Variants in MAGI1 observed in about 807,000 individuals in gnomAD.
The protein encoded by MAGI1 is membrane associated guanylate kinase, WW and PDZ domain containing 1.
MAGI1 carries 58 observed loss-of-function variants against 139.9 expected under a neutral mutation model. The observed-to-expected ratio is 0.41, with a 90% CI of 0.34 to 0.52. MAGI1 has a LOEUF of 0.52. Ranked by LOEUF, MAGI1 falls within the 20% of genes least tolerant of loss-of-function variation. The probability of loss-of-function intolerance (pLI) is 0.12; values close to 1 mark genes in which losing one functional copy is unlikely to be tolerated. For synonymous variants in MAGI1, 812 were observed against 737.9 expected, an observed-to-expected ratio of 1.10 and a Z score of -1.63; for missense variants, 1,874 against 1,901.6, an observed-to-expected ratio of 0.99 and a Z score of 0.27.
chr3:65,510,198 T>C (rs61590660), intron 2 of MAGI1, among the ~76,000 whole-genome samples: 17,141 of 152,022 alleles, frequency 0.11, 1,220 homozygotes, highest in Middle Eastern at 0.15. Context: ...ACCACAAAGA[T>C]GGGGAAAAAA....
chr3:65,773,569 G>A (rs1472767632), intron 1 of MAGI1, among the ~76,000 whole-genome samples: 1 of 152,010 alleles, frequency 6.6e-6, no homozygotes, highest in Non-Finnish European at 1.5e-5. Context: ...TGGGATCACT[G>A]GTAGGTAAAC....
chr3:65,725,862 A>G (rs538827327), intron 1 of MAGI1, among the ~76,000 whole-genome samples: 2 of 152,326 alleles, frequency 1.3e-5, no homozygotes, highest in African/African-American at 2.4e-5. Context: ...AAGTCTATGC[A>G]TAACAGGAAA....
intron 1 of MAGI1, chr3:65,954,465 T>C (rs2106996719): frequency 6.5e-6 from 1 of 152,672 alleles, no homozygotes; most frequent in South Asian, 2.1e-4. Context: ...GGCACTGACA[T>C]AGAAAATGTC....
At chr3:65,579,097 T>C (rs1464425011) in intron 2 of MAGI1, among the ~76,000 whole-genome samples, 1 of 152,052 alleles carries the variant, frequency 6.6e-6, no homozygotes, top group East Asian at 1.9e-4. Flanking sequence ...ATAATTACAT[T>C]CATACACATA....
chr3:65,567,118 G>A (rs1354864637), intron 2 of MAGI1, among the ~76,000 whole-genome samples: 1 of 152,102 alleles, frequency 6.6e-6, no homozygotes, highest in Non-Finnish European at 1.5e-5. Flanking sequence ...GGACCTCTGA[G>A]ATGTCAGAAG....
At chr3:65,746,104 C>T (rs1413567637) in intron 1 of MAGI1, among the ~76,000 whole-genome samples, 2 of 152,082 alleles carry the variant, frequency 1.3e-5, no homozygotes, top group Non-Finnish European at 1.5e-5. Context: ...GGCACAATCT[C>T]AGCTCACTGC....
chr3:65,384,780 GGTGT>G (rs3072935), intron 14 of MAGI1, among the ~76,000 whole-genome samples: 23,589 of 147,856 alleles, frequency 0.16, 2,399 homozygotes, highest in East Asian at 0.48. Context: ...TATAGGAAGG[GGTGT>G]GTGTGTGTGT....
intron 2 of MAGI1, among the ~76,000 whole-genome samples, chr3:65,566,328 A>G (rs1011531006): frequency 2.0e-5 from 3 of 152,164 alleles, no homozygotes; most frequent in Middle Eastern, 3.2e-3. Context: ...TTATCTACAT[A>G]TATTATCTAT....
chr3:65,736,697 T>A (rs1160431583), intron 1 of MAGI1, among the ~76,000 whole-genome samples: 3 of 152,174 alleles, frequency 2.0e-5, no homozygotes, highest in Non-Finnish European at 4.4e-5. Context: ...TCGCCCTTCC[T>A]CCATATTTGT....
At chr3:65,652,636 C>T (rs1033458284) in intron 1 of MAGI1, among the ~76,000 whole-genome samples, 3 of 152,168 alleles carry the variant, frequency 2.0e-5, no homozygotes, top group African/African-American at 7.2e-5. Context: ...CTCAACTCTC[C>T]TTTAGCCCTC....
At chr3:65,992,754 G>A (rs970236548) in intron 1 of MAGI1, among the ~76,000 whole-genome samples, 5 of 152,150 alleles carry the variant, frequency 3.3e-5, no homozygotes, top group African/African-American at 1.2e-4. Flanking sequence ...GACAACAAGG[G>A]AACAAGGGGC....
chr3:65,375,711 A>G (rs754819628), intron 18 of MAGI1, 34 bp downstream of exon 18: 2 of 1,445,998 alleles, frequency 1.4e-6, no homozygotes. Flanking sequence ...AGAGAAAAAG[A>G]GAGAGAGAGA....
intron 1 of MAGI1, among the ~76,000 whole-genome samples, chr3:65,703,388 G>T (rs2089751122): frequency 6.8e-6 from 1 of 147,680 alleles, no homozygotes; most frequent in African/African-American, 2.5e-5. Flanking sequence ...TTAGAATAAA[G>T]ACCCAATAAA....
intron 12 of MAGI1, among the ~76,000 whole-genome samples, chr3:65,413,245 T>C (rs868418385): frequency 1.3e-5 from 2 of 152,204 alleles, no homozygotes; most frequent in African/African-American, 4.8e-5. Flanking sequence ...TTTGGCAATT[T>C]CAATTAGCTT....
At chr3:65,903,050 G>A (rs112479544) in intron 1 of MAGI1, among the ~76,000 whole-genome samples, 89 of 152,112 alleles carry the variant, frequency 5.9e-4, no homozygotes, top group Middle Eastern at 3.4e-3. Context: ...GTACACTGGC[G>A]CAATCTCGGC....
At chr3:65,378,361 C>A (rs1326889931) in intron 17 of MAGI1, among the ~76,000 whole-genome samples, 1 of 152,020 alleles carries the variant, frequency 6.6e-6, no homozygotes, top group Non-Finnish European at 1.5e-5. Flanking sequence ...TTTAACCAGA[C>A]TTTAAATCAA....
At chr3:65,799,233 T>C (rs1160732196) in intron 1 of MAGI1, among the ~76,000 whole-genome samples, 1 of 152,192 alleles carries the variant, frequency 6.6e-6, no homozygotes, top group African/African-American at 2.4e-5. Context: ...ACAAAAGTTA[T>C]GGCCACAGTG....
At chr3:65,816,080 C>G (rs758567230) in intron 1 of MAGI1, among the ~76,000 whole-genome samples, 2 of 151,998 alleles carry the variant, frequency 1.3e-5, no homozygotes, top group Non-Finnish European at 2.9e-5. Flanking sequence ...GGCATTTTTT[C>G]AAATAGTGGT....
chr3:65,715,612 G>A (rs940538399), intron 1 of MAGI1, among the ~76,000 whole-genome samples: 2 of 152,072 alleles, frequency 1.3e-5, no homozygotes, highest in Non-Finnish European at 2.9e-5. Flanking sequence ...AAAAAGACAC[G>A]TACACACAAG....
Sources: allele counts gnomAD v4.1 joint callset (sites outside exome capture counted in the v4.1 genomes callset), GRCh38; gene constraint gnomAD v4.1.1; transcripts MANE v1.5; gene names NCBI Gene and HGNC (gene_info 2026-07-23, HGNC 2026-07-21).